TENM3: variants seen among roughly 807,000 people sequenced by gnomAD.
TENM3 encodes teneurin-3.
Under a neutral mutation model 255.1 loss-of-function variants are expected in TENM3, and 63 were observed. The ratio of observed to expected loss-of-function variants is 0.25; its 90% confidence interval spans 0.20 to 0.30. TENM3 has a LOEUF of 0.30. Ranked by LOEUF, TENM3 falls within the 10% of genes least tolerant of loss-of-function variation. TENM3 has a pLI of 1.00. For synonymous variants in TENM3, 1,306 were observed against 1,322.3 expected (o/e 0.99, Z 0.27); for missense variants, 2,929 against 3,461.1 (o/e 0.85, Z 3.86).
At chr4:182,144,714 C>G (rs1749788176) in exon 1 of TENM3, 1 of 145,482 alleles carries the variant, frequency 6.9e-6, no homozygotes, top group African/African-American at 2.5e-5. Flanking sequence ...GCGGCGGCTG[C>G]TGCCGGGGAG....
rs34038961 is a variant in TENM3 at position 182,366,781 on chromosome 4, TA to T, written c.511+19860del. On this transcript the variant is annotated intron_variant, in intron 3 of 27. Coordinates refer to ENST00000511685, the MANE Select transcript of TENM3 (RefSeq NM_001080477.4). ...TGTAATGTGTAACCTTTAGACACTG[TA>T]AAAAAAATGTAATAGTGGAAAAGCA... Among the ~76,000 whole-genome samples, 267 of 152,032 alleles carry T rather than the reference TA, an allele frequency of 1.8e-3. 1 individual carries two copies. Among genetic ancestry groups the T allele is most frequent in the Non-Finnish European group, 2.8e-3 (191 of 67,974 alleles).
At chr4:182,096,590 C>T in the TENM3 span, among the ~76,000 whole-genome samples, 2 of 152,128 alleles carry the variant, frequency 1.3e-5, no homozygotes, top group Admixed American at 6.5e-5. Flanking sequence ...AGAAGTGAGA[C>T]AATCAGATAT....
At chr4:182,621,935 A>G (rs575232371) in intron 4 of TENM3, among the ~76,000 whole-genome samples, 4 of 148,100 alleles carry the variant, frequency 2.7e-5, no homozygotes, top group African/African-American at 1.0e-4. Context: ...TCTTCACACC[A>G]CTGTGCACCA....
At chr4:181,900,063 T>C in the TENM3 span, among the ~76,000 whole-genome samples, 1 of 152,144 alleles carries the variant, frequency 6.6e-6, no homozygotes, top group Non-Finnish European at 1.5e-5. Flanking sequence ...TTCATGAAAA[T>C]AACAACTTCT....
the TENM3 span, among the ~76,000 whole-genome samples, chr4:181,924,053 C>G: frequency 6.6e-6 from 1 of 152,114 alleles, no homozygotes; most frequent in African/African-American, 2.4e-5. Context: ...GCACTGACTG[C>G]TGTTTTCTGG....
At chr4:181,714,628 A>C in the TENM3 span, among the ~76,000 whole-genome samples, 1 of 152,180 alleles carries the variant, frequency 6.6e-6, no homozygotes, top group Non-Finnish European at 1.5e-5. Context: ...TTTTAAGAAC[A>C]CACTAAAGTA....
chr4:181,585,766 C>G, the TENM3 span, among the ~76,000 whole-genome samples: 1 of 152,134 alleles, frequency 6.6e-6, no homozygotes, highest in African/African-American at 2.4e-5. Flanking sequence ...CGACTCTCAA[C>G]CAAAAAGTGA....
chr4:182,746,653 AT>A (rs1762031709), intron 19 of TENM3, among the ~76,000 whole-genome samples: 1 of 152,152 alleles, frequency 6.6e-6, no homozygotes, highest in Admixed American at 6.5e-5. Flanking sequence ...AGGAAGAGTA[AT>A]TTGGTGTCAG....
At position 182,303,294 on chromosome 4, in the gene TENM3, A is replaced by G. The variant is rs113996554; in HGVS notation, c.-75-20652A>G. Among the ~76,000 whole-genome samples, 974 of 152,122 alleles carry G rather than the reference A, an allele frequency of 6.4e-3. 16 individuals carry two copies. Among genetic ancestry groups the G allele is most frequent in the African/African-American group, 0.022 (918 of 41,488 alleles). ...TAATGTTGGAGCATTGGCCTTCTCA[A>G]CTGTGTGATTTCACACGTTGGTTAC... On this transcript the variant is annotated intron_variant, in intron 1 of 27. Transcript: ENST00000511685.
At chr4:181,794,432 A>G in the TENM3 span, among the ~76,000 whole-genome samples, 153 of 152,250 alleles carry the variant, frequency 1.0e-3, no homozygotes, top group African/African-American at 3.5e-3. Flanking sequence ...CAATTTGACC[A>G]ACATCTTCCT....
chr4:182,298,591 A>C (rs1477053211), intron 1 of TENM3, among the ~76,000 whole-genome samples: 3 of 152,200 alleles, frequency 2.0e-5, no homozygotes, highest in Non-Finnish European at 4.4e-5. Context: ...GTAGAAAAGC[A>C]TATATGGGAA....
the TENM3 span, among the ~76,000 whole-genome samples, chr4:181,904,046 G>A: frequency 6.6e-6 from 1 of 151,890 alleles, no homozygotes; most frequent in East Asian, 1.9e-4. Flanking sequence ...GATGTTCTTT[G>A]GGCATCTAAA....
At chr4:182,011,548 C>T in the TENM3 span, among the ~76,000 whole-genome samples, 4 of 152,192 alleles carry the variant, frequency 2.6e-5, no homozygotes, top group African/African-American at 9.6e-5. Context: ...TGATGACTCT[C>T]CATGTGCTTT....
the TENM3 span, among the ~76,000 whole-genome samples, chr4:181,793,695 A>T: frequency 6.6e-6 from 1 of 152,188 alleles, no homozygotes; most frequent in Middle Eastern, 3.2e-3. Context: ...TTTGAAATTT[A>T]AATCAGGAGT....
chr4:181,496,408 A>T, the TENM3 span, among the ~76,000 whole-genome samples: 1 of 152,184 alleles, frequency 6.6e-6, no homozygotes, highest in Non-Finnish European at 1.5e-5. Flanking sequence ...CTGTACACAT[A>T]TATCTGTACA....
intron 1 of TENM3, among the ~76,000 whole-genome samples, chr4:182,226,172 C>A (rs1579800859): frequency 6.6e-6 from 1 of 152,204 alleles, no homozygotes; most frequent in African/African-American, 2.4e-5. Context: ...GTGGGGTGTC[C>A]TACTCCTTAG....
At chr4:182,014,003 T>C in the TENM3 span, among the ~76,000 whole-genome samples, 4 of 75,074 alleles carry the variant, frequency 5.3e-5, no homozygotes, top group African/African-American at 1.9e-4. Context: ...TACACATATA[T>C]ACGTATATAT....
At chr4:182,222,908 C>A (rs186855552) in intron 1 of TENM3, among the ~76,000 whole-genome samples, 283 of 152,248 alleles carry the variant, frequency 1.9e-3, no homozygotes, top group African/African-American at 6.3e-3. Flanking sequence ...AAGACAAGCT[C>A]GTCCCTAAGA....
chr4:182,174,948 A>G (rs1376119622), intron 1 of TENM3, among the ~76,000 whole-genome samples: 1 of 78,750 alleles, frequency 1.3e-5, no homozygotes, highest in Non-Finnish European at 3.5e-5. Context: ...TTTCAACTGA[A>G]ATATTTGTTA....
Sources: gnomAD v4.1 joint callset for allele counts (sites outside exome capture counted in the v4.1 genomes callset) on GRCh38, gnomAD v4.1.1 for gene constraint, MANE v1.5 for transcripts, NCBI Gene and HGNC (gene_info 2026-07-23, HGNC 2026-07-21) for gene names.